The following NDUFAF6 variants were observed in gnomAD, a reference collection of about 807,000 sequenced individuals.
The protein encoded by NDUFAF6 is NADH:ubiquinone oxidoreductase complex assembly factor 6, also known as NADH dehydrogenase (ubiquinone) complex I, assembly factor 6.
A neutral mutation model predicts 40.8 loss-of-function variants in NDUFAF6; 45 were observed. The ratio of observed to expected loss-of-function variants is 1.10; its 90% CI spans 0.87 to 1.42. NDUFAF6 has a LOEUF of 1.42. Among genes scored for constraint, NDUFAF6 ranks in the 40% most tolerant of loss-of-function variants. The probability of loss-of-function intolerance (pLI) is 0.00; values close to 1 mark genes in which losing one functional copy is unlikely to be tolerated. For missense variants in NDUFAF6, 435 were observed against 418.5 expected, an observed-to-expected ratio of 1.04 and a Z score of -0.34; for synonymous variants, 185 against 155.9, an observed-to-expected ratio of 1.19 and a Z score of -1.39.
intron 3 of NDUFAF6, chr8:95,036,469 T>G (rs764596789): frequency 7.8e-7 from 1 of 1,289,218 alleles, no homozygotes; most frequent in Non-Finnish European, 1.0e-6. Flanking sequence ...AACTGGGGAT[T>G]GAGAAGAAAA....
At chr8:95,027,981 A>C (rs912574210) in intron 1 of NDUFAF6, among the ~76,000 whole-genome samples, 18 of 152,244 alleles carry the variant, frequency 1.2e-4, no homozygotes, top group African/African-American at 3.9e-4. Context: ...GAGGATAAAC[A>C]CAGAGCCTCA....
At chr8:94,932,458 AT>A (rs1357511552) in intron 1 of NDUFAF6, among the ~76,000 whole-genome samples, 1 of 152,242 alleles carries the variant, frequency 6.6e-6, no homozygotes, top group Non-Finnish European at 1.5e-5. Flanking sequence ...AGCTAGCCTA[AT>A]TTTGGTAACA....
At chr8:94,939,831 C>T in intron 1 of NDUFAF6, 1 of 1,593,708 alleles carries the variant, frequency 6.3e-7, no homozygotes, top group Non-Finnish European at 8.6e-7. Flanking sequence ...AGTGGACTGC[C>T]TACAGAGAGT....
At chr8:94,998,670 G>A (rs1317774070) in intron 2 of NDUFAF6, among the ~76,000 whole-genome samples, 1 of 152,188 alleles carries the variant, frequency 6.6e-6, no homozygotes, top group East Asian at 1.9e-4. Context: ...ACCTTTGGAA[G>A]CAGCTGCTGC....
downstream of NDUFAF6, among the ~76,000 whole-genome samples, chr8:95,059,845 T>A (rs1832524138): frequency 6.6e-6 from 1 of 150,796 alleles, no homozygotes; most frequent in South Asian, 2.1e-4. Flanking sequence ...CGAGATTCCA[T>A]CTCAAAAAAA....
At chr8:95,093,963 A>G (rs1470488716) in intron 2 of NDUFAF6, among the ~76,000 whole-genome samples, 2 of 151,932 alleles carry the variant, frequency 1.3e-5, no homozygotes, top group African/African-American at 4.8e-5. Context: ...TGAAATAAAT[A>G]CTTCCTTTTT....
intron 2 of NDUFAF6, chr8:94,949,125 A>ACGCC (rs930959343): frequency 9.3e-5 from 12 of 129,112 alleles, no homozygotes; most frequent in Non-Finnish European, 1.6e-4. Flanking sequence ...CCCTGGACGG[A>ACGCC]CGCCCGCCCG....
chr8:95,048,438 T>C lies in NDUFAF6; in HGVS notation c.715-19T>C, dbSNP rs1426392627. ...AAGTGCTTTTAGGTTCCTAATATAA[T>C]GTATATTTCCCCACACAGCATGGTG... On this transcript the variant is annotated intron_variant, in intron 6 of 8. Transcript: ENST00000396124. 6.4e-7 allele frequency: 1 copy of C among 1,564,542 alleles called. No homozygotes were observed. Among genetic ancestry groups the C allele is most frequent in the South Asian group, 1.1e-5 (1 of 90,130 alleles).
intron 1 of NDUFAF6, among the ~76,000 whole-genome samples, chr8:94,966,266 A>G (rs1355530301): frequency 6.6e-6 from 1 of 152,206 alleles, no homozygotes; most frequent in Admixed American, 6.5e-5. Flanking sequence ...TAAGGCTTAT[A>G]TCAGTCAGGT....
chr8:95,032,139 A>G (rs1828928543), intron 2 of NDUFAF6, 45 bp downstream of exon 2: 3 of 1,495,644 alleles, frequency 2.0e-6, no homozygotes, highest in South Asian at 1.1e-5. Context: ...AAATGGTGAT[A>G]TAAGGTGTTT....
At chr8:95,114,242 A>G (rs888603640) in intron 4 of NDUFAF6, among the ~76,000 whole-genome samples, 1 of 152,220 alleles carries the variant, frequency 6.6e-6, no homozygotes, top group African/African-American at 2.4e-5. Context: ...GCACAAGAGA[A>G]GAAAGGAGAA....
At chr8:95,093,968 C>CT (rs1809353151) in intron 2 of NDUFAF6, among the ~76,000 whole-genome samples, 1 of 151,890 alleles carries the variant, frequency 6.6e-6, no homozygotes, top group African/African-American at 2.4e-5. Flanking sequence ...TAAATACTTC[C>CT]TTTTTTTGTT....
intron 2 of NDUFAF6, among the ~76,000 whole-genome samples, chr8:95,102,185 G>A: frequency 6.6e-6 from 1 of 151,956 alleles, no homozygotes; most frequent in East Asian, 1.9e-4. Context: ...ACTAGAGTTG[G>A]GGGTTTCACC....
intron 1 of NDUFAF6, among the ~76,000 whole-genome samples, chr8:94,970,112 A>G (rs747533856): frequency 2.6e-5 from 4 of 151,402 alleles, no homozygotes; most frequent in African/African-American, 7.3e-5. Flanking sequence ...AAAATTAGCC[A>G]GGTGTGGTGG....
downstream of NDUFAF6, among the ~76,000 whole-genome samples, chr8:95,106,556 C>T (rs1299430750): frequency 6.6e-6 from 1 of 152,140 alleles, no homozygotes; most frequent in Non-Finnish European, 1.5e-5. Flanking sequence ...CAATATCATT[C>T]AGGACAGAGG....
rs1226161671 is a variant in NDUFAF6 at position 94,939,363 on chromosome 8, T to C, written c.-935-6120T>C. On this transcript the variant is annotated intron_variant, in intron 1 of 14. Coordinates refer to the NDUFAF6 transcript ENST00000396113. ...GAATGCTATTATATAACTGGGGCCATGCTACATCTAACTTTCTTAAAAAAA... is the reference window on the plus strand; with the variant it reads ...GAATGCTATTATATAACTGGGGCCACGCTACATCTAACTTTCTTAAAAAAA... Among the ~76,000 whole-genome samples the C allele has an allele frequency of 3.3e-5, 5 of 152,196 alleles. No individual in the cohort carries two copies. In the South Asian group the frequency reaches 1.0e-3, roughly 31 times the overall value.
chr8:95,090,929 G>A (rs537747168), intron 2 of NDUFAF6, among the ~76,000 whole-genome samples: 17 of 152,052 alleles, frequency 1.1e-4, no homozygotes, highest in Admixed American at 7.9e-4. Context: ...TTTGAGACTC[G>A]GACTGCCTCT....
chr8:94,969,482 G>A (rs1824283828), intron 1 of NDUFAF6, among the ~76,000 whole-genome samples: 1 of 152,114 alleles, frequency 6.6e-6, no homozygotes, highest in Non-Finnish European at 1.5e-5. Context: ...TATTGGATTT[G>A]GAAGGGAAAT....
downstream of NDUFAF6, among the ~76,000 whole-genome samples, chr8:95,076,466 G>A (rs531928602): frequency 2.6e-5 from 4 of 152,300 alleles, no homozygotes; most frequent in South Asian, 8.3e-4. Context: ...ACACCTTGGT[G>A]TAAGCTGCCC....
Sources: allele counts gnomAD v4.1 joint callset (sites outside exome capture counted in the v4.1 genomes callset), GRCh38; gene constraint gnomAD v4.1.1; transcripts MANE v1.5; gene names NCBI Gene and HGNC (gene_info 2026-07-23, HGNC 2026-07-21).